KIF21A: variants seen among roughly 807,000 people sequenced by gnomAD.
KIF21A encodes kinesin family member 21A, also known as kinesin-like protein KIF21A.
KIF21A carries 114 observed loss-of-function variants against 202.9 expected under a neutral mutation model. That is an observed-to-expected ratio of 0.56 (90% confidence interval 0.48 to 0.66). The LOEUF (loss-of-function observed/expected upper bound fraction) is 0.66. KIF21A is among the 30% of genes least tolerant of loss of function. The pLI is 0.00. For synonymous variants in KIF21A, 667 were observed against 670.8 expected (o/e 0.99, Z 0.09); for missense variants, 1,677 against 1,994.9 (o/e 0.84, Z 3.04).
chr12:39,354,042 G>A (rs1948594931), intron 10 of KIF21A, among the ~76,000 whole-genome samples: 1 of 152,008 alleles, frequency 6.6e-6, no homozygotes, highest in Non-Finnish European at 1.5e-5. Context: ...GTCTCTAAAA[G>A]GCCCCACTCT....
chr12:39,340,094 T>C lies in KIF21A; in HGVS notation c.2310+71A>G, dbSNP rs1355576502. On this transcript the variant is annotated intron_variant, in intron 16 of 37. Coordinates refer to ENST00000361418, the MANE Select transcript of KIF21A (RefSeq NM_001173464.2). ...CGAATATGGAAAGAACCACAAGAGT[T>C]GTTTATTTTTTGTCCCAAATGACAA... 4.3e-6 allele frequency: 5 copies of C among 1,159,890 alleles called. 1 individual carries two copies. Among genetic ancestry groups the C allele is most frequent in the Non-Finnish European group, 6.4e-6 (5 of 783,638 alleles). 71.8% of individuals were successfully genotyped at this position (1,159,890 alleles called of 1,614,324 possible). A position where few individuals can be genotyped will look rare whatever the true frequency, so the allele number is the denominator to read the frequency against.
intron 24 of KIF21A, 40 bp from the exon 25 acceptor site, chr12:39,326,364 T>C (rs749481647): frequency 7.0e-7 from 1 of 1,429,352 alleles, no homozygotes; most frequent in Non-Finnish European, 9.9e-7. Context: ...TATCCCCATG[T>C]CACAGTTTGA....
intron 11 of KIF21A, among the ~76,000 whole-genome samples, chr12:39,347,914 T>C (rs1301473061): frequency 6.6e-6 from 1 of 150,870 alleles, no homozygotes; most frequent in Non-Finnish European, 1.5e-5. Flanking sequence ...CTCGTCCACA[T>C]ACACAAAAAA....
chr12:39,293,731 T>TG lies in KIF21A; in HGVS notation c.*692dup, dbSNP rs1942046658. 1 of 139,514 alleles carries TG rather than the reference T, an allele frequency of 7.2e-6. No individual in the cohort carries two copies. The highest frequency in any genetic ancestry group is 1.5e-5 in the Non-Finnish European group (1 of 66,566). 8.6% of individuals were successfully genotyped at this position (139,514 alleles called of 1,614,324 possible). ...CCATCACAGAATATATGCACAGCAC[T>TG]GGAAAAAAAAAAAAAAATTAACAGC... On this transcript the variant is annotated 3_prime_UTR_variant, in exon 38 of 38. Transcript: ENST00000361418.
At chr12:39,383,538 AG>A (rs1404425533) in intron 1 of KIF21A, among the ~76,000 whole-genome samples, 6 of 152,368 alleles carry the variant, frequency 3.9e-5, no homozygotes, top group African/African-American at 1.4e-4. Flanking sequence ...CCTATAGGTA[AG>A]TTAACCAGGC....
At position 39,357,239 on chromosome 12, in the gene KIF21A, C is replaced by A; in HGVS notation, c.1405+9G>T. 6.2e-7 allele frequency: 1 copy of A among 1,613,596 alleles called. No homozygotes were observed. Among genetic ancestry groups the A allele is most frequent in the Non-Finnish European group, 8.5e-7 (1 of 1,179,496 alleles). On this transcript the variant is annotated intron_variant, in intron 9 of 37. Coordinates refer to ENST00000361418, the MANE Select transcript of KIF21A (RefSeq NM_001173464.2). ...TTAATCCCTCACTTATCCCACCCTA[C>A]CCACATACCTGCTCTGGCAAGAACA...
At chr12:39,400,236 G>A (rs1015538319) in intron 1 of KIF21A, among the ~76,000 whole-genome samples, 1 of 152,210 alleles carries the variant, frequency 6.6e-6, no homozygotes, top group Non-Finnish European at 1.5e-5. Context: ...AGAGCTGAGA[G>A]TCCAAGATCT....
At chr12:39,396,066 C>T (rs1951732364) in intron 1 of KIF21A, among the ~76,000 whole-genome samples, 2 of 151,942 alleles carry the variant, frequency 1.3e-5, no homozygotes, top group Non-Finnish European at 2.9e-5. Context: ...ATTAGTCCAC[C>T]ATCATCGGGA....
chr12:39,385,900 T>C (rs73086886), intron 1 of KIF21A, among the ~76,000 whole-genome samples: 1,666 of 152,294 alleles, frequency 0.011, 38 homozygotes, highest in African/African-American at 0.036. Context: ...TTTAAATACA[T>C]ATATACATAT....
rs113442627 is a variant in KIF21A at position 39,381,411 on chromosome 12, A to T, written c.45-11150T>A. On this transcript the variant is annotated intron_variant, in intron 1 of 37. Transcript: ENST00000361418. Reference sequence around the variant, plus strand: ...TCCCAGAGGTATATTATTTTTGTTTACAATCACTCTGGGAAGGAAAAAAGA... The same window carrying T: ...TCCCAGAGGTATATTATTTTTGTTTTCAATCACTCTGGGAAGGAAAAAAGA... Among the ~76,000 whole-genome samples, 397 of 152,106 alleles carry T rather than the reference A, an allele frequency of 2.6e-3. 3 individuals are homozygous for T. Among genetic ancestry groups the T allele is most frequent in the African/African-American group, 8.7e-3 (363 of 41,496 alleles).
rs1367981852 is a variant in KIF21A at position 39,366,331 on chromosome 12, C to T, written c.903+19G>A. On this transcript the variant is annotated intron_variant, in intron 6 of 37. Transcript: ENST00000361418. ...TAGAAAAGCTCTGATATATTCTCAG[C>T]ACAAAGCCTTAATCTTACAAGTCCA... 2 of 1,608,784 alleles carry T rather than the reference C, an allele frequency of 1.2e-6. No homozygotes were observed.
At chr12:39,380,974 G>T (rs1950572659) in intron 1 of KIF21A, among the ~76,000 whole-genome samples, 1 of 151,898 alleles carries the variant, frequency 6.6e-6, no homozygotes, top group Non-Finnish European at 1.5e-5. Flanking sequence ...AAAGGGAAGG[G>T]TCTCATTATA....
At chr12:39,301,356 A>C in intron 37 of KIF21A, 124 bp downstream of exon 37, 1 of 874,460 alleles carries the variant, frequency 1.1e-6, no homozygotes, top group Non-Finnish European at 1.9e-6. Context: ...GACATCTTAA[A>C]ACAGACATTA....
In KIF21A at chr12:39,369,919, A is replaced by C; in HGVS notation, c.268-8T>G. On this transcript the variant is annotated splice_region_variant and splice_polypyrimidine_tract_variant and intron_variant, in intron 2 of 37. Transcript: ENST00000361418. ...TGTTTTACCAGCTCCAGTCTAAACA[A>C]AAGAACAGAGAAAGATTAGTGTTCA... 1.2e-6 allele frequency: 2 copies of C among 1,612,280 alleles called. No individual in the cohort carries two copies. The highest frequency in any genetic ancestry group is 8.5e-7 in the Non-Finnish European group (1 of 1,178,556).
chr12:39,356,810 T>C, intron 10 of KIF21A, 22 bp downstream of exon 10: 1 of 1,007,976 alleles, frequency 9.9e-7, no homozygotes, highest in Non-Finnish European at 1.6e-6. Flanking sequence ...GTGCATTATA[T>C]GTTACAGAAC....
intron 1 of KIF21A, among the ~76,000 whole-genome samples, chr12:39,416,223 A>G (rs139983654): frequency 9.2e-5 from 14 of 152,298 alleles, no homozygotes; most frequent in African/African-American, 2.9e-4. Context: ...TTTAATTAAT[A>G]TTCTCTGATA....
At chr12:39,390,378 C>G (rs1276803360) in intron 1 of KIF21A, among the ~76,000 whole-genome samples, 1 of 151,758 alleles carries the variant, frequency 6.6e-6, no homozygotes, top group Non-Finnish European at 1.5e-5. Context: ...TCAATTTATG[C>G]TAATAAGAGG....
chr12:39,297,763 A>C (rs1027656687), intron 37 of KIF21A, among the ~76,000 whole-genome samples: 1 of 151,840 alleles, frequency 6.6e-6, no homozygotes, highest in Admixed American at 6.6e-5. Flanking sequence ...GCTAAACTAA[A>C]ACAAATGAAA....
chr12:39,399,232 T>C (rs1405016958), intron 1 of KIF21A, among the ~76,000 whole-genome samples: 1 of 152,228 alleles, frequency 6.6e-6, no homozygotes, highest in Non-Finnish European at 1.5e-5. Context: ...AGCATTTATA[T>C]TGTATTTTGT....
Sources: allele counts gnomAD v4.1 joint callset (sites outside exome capture counted in the v4.1 genomes callset), GRCh38; gene constraint gnomAD v4.1.1; transcripts MANE v1.5; gene names NCBI Gene and HGNC (gene_info 2026-07-23, HGNC 2026-07-21).